The following SEPTIN7 variants were observed in gnomAD, a reference collection of about 807,000 sequenced individuals.
The protein encoded by SEPTIN7 is septin 7.
A neutral mutation model predicts 63.3 loss-of-function variants in SEPTIN7; 10 were observed. The observed-to-expected ratio is 0.16, with a 90% CI of 0.10 to 0.27. SEPTIN7 has a LOEUF of 0.27. Ranked by LOEUF, SEPTIN7 falls within the 10% of genes least tolerant of loss-of-function variation. The pLI is 1.00. For synonymous variants in SEPTIN7, 131 were observed against 165.3 expected (o/e 0.79, Z 1.59); for missense variants, 310 against 521.0 (o/e 0.59, Z 3.94).
At chr7:35,816,025 A>G (rs1037337113) in intron 1 of SEPTIN7, among the ~76,000 whole-genome samples, 1 of 152,212 alleles carries the variant, frequency 6.6e-6, no homozygotes, top group Non-Finnish European at 1.5e-5. Flanking sequence ...GAAAGGAGAT[A>G]TAACAATTTA....
At chr7:35,913,613 T>TTCCTTCTTTCC in the SEPTIN7 span, among the ~76,000 whole-genome samples, 1 of 151,182 alleles carries the variant, frequency 6.6e-6, no homozygotes, top group Non-Finnish European at 1.5e-5. Context: ...CTTTCCTTCC[T>TTCCTTCTTTCC]TTCTCTCAAC....
chr7:35,907,663 TTTCTGAAGCATGATC>T, downstream of SEPTIN7, among the ~76,000 whole-genome samples: 1 of 152,258 alleles, frequency 6.6e-6, no homozygotes, highest in Non-Finnish European at 1.5e-5. Context: ...CACTGCCACA[TTTCTGAAGCATGATC>T]TTCTACAGAG....
At chr7:35,855,169 TAC>T (rs1428589208) in intron 3 of SEPTIN7, among the ~76,000 whole-genome samples, 1 of 152,200 alleles carries the variant, frequency 6.6e-6, no homozygotes, top group African/African-American at 2.4e-5. Flanking sequence ...ATGCTATAAG[TAC>T]TATTCTGTGA....
In SEPTIN7 at chr7:35,802,277, A is replaced by G. The variant is rs144726866; in HGVS notation, c.61+1007A>G. 4.0e-4 allele frequency: 146 copies of G among 364,610 alleles called. 1 individual carries two copies. Among genetic ancestry groups the G allele is most frequent in the African/African-American group, 3.0e-3 (142 of 47,060 alleles). 22.6% of individuals were successfully genotyped at this position (364,610 alleles called of 1,614,324 possible). ...TTCCATTTCAGCTGTGTGTATAGTA[A>G]GAAATAAGCAACCGAGATTTTTCTA... On this transcript the variant is annotated intron_variant, in intron 1 of 13. Coordinates refer to ENST00000350320, the MANE Select transcript of SEPTIN7 (RefSeq NM_001788.6).
At chr7:35,872,078 T>C (rs1043429160) in intron 4 of SEPTIN7, among the ~76,000 whole-genome samples, 17 of 152,170 alleles carry the variant, frequency 1.1e-4, no homozygotes, top group African/African-American at 3.9e-4. Context: ...TTGTCCAGAA[T>C]GTGGAGTATC....
chr7:35,807,672 A>G (rs1160217774), intron 1 of SEPTIN7, among the ~76,000 whole-genome samples: 2 of 151,846 alleles, frequency 1.3e-5, no homozygotes, highest in African/African-American at 2.4e-5. Context: ...CAATTTTTGT[A>G]TTTTTAGTAG....
intron 11 of SEPTIN7, among the ~76,000 whole-genome samples, chr7:35,895,796 A>G (rs980159583): frequency 3.3e-5 from 5 of 152,112 alleles, no homozygotes; most frequent in Admixed American, 1.3e-4. Flanking sequence ...AAATACTTAA[A>G]TTTTGAATTT....
In SEPTIN7 at chr7:35,905,862, T is replaced by C. The variant is rs1788586160; in HGVS notation, c.*1569T>C. 1 of 152,206 alleles carries C rather than the reference T, an allele frequency of 6.6e-6. No homozygotes were observed. The allele number at this position is 152,206 out of a possible 1,614,324, so 9.4% of individuals were successfully genotyped here. A position where few individuals can be genotyped will look rare whatever the true frequency, so the allele number is the denominator to read the frequency against. On this transcript the variant is annotated 3_prime_UTR_variant, in exon 14 of 14. Transcript: ENST00000350320. ...TGTCATTTCTTTTCTTAAGGTCAAGTGACATAGATTTTAATGTAATGCATA... is the reference window on the plus strand; with the variant it reads ...TGTCATTTCTTTTCTTAAGGTCAAGCGACATAGATTTTAATGTAATGCATA...
intron 1 of SEPTIN7, among the ~76,000 whole-genome samples, chr7:35,830,782 A>G (rs532279118): frequency 9.9e-5 from 15 of 152,248 alleles, no homozygotes; most frequent in South Asian, 4.1e-4. Context: ...AGGATTATCT[A>G]TTTTATTTTC....
At chr7:35,806,854 G>A (rs372539679) in intron 1 of SEPTIN7, among the ~76,000 whole-genome samples, 1 of 152,114 alleles carries the variant, frequency 6.6e-6, no homozygotes, top group Non-Finnish European at 1.5e-5. Flanking sequence ...TAAAATGAAC[G>A]TCATGGTGTT....
chr7:35,810,615 G>A (rs1448135501), intron 1 of SEPTIN7, among the ~76,000 whole-genome samples: 4 of 152,054 alleles, frequency 2.6e-5, no homozygotes, highest in African/African-American at 7.2e-5. Context: ...GAGCCACCGC[G>A]CCCAGCCAGA....
chr7:35,814,961 C>T (rs1178028521), intron 1 of SEPTIN7, among the ~76,000 whole-genome samples: 2 of 115,110 alleles, frequency 1.7e-5, no homozygotes, highest in African/African-American at 3.6e-5. Context: ...GGCGACAGAG[C>T]GAGACTCCTT....
chr7:35,897,274 A>G (rs1191753131), intron 11 of SEPTIN7, among the ~76,000 whole-genome samples: 5 of 152,214 alleles, frequency 3.3e-5, no homozygotes, highest in Non-Finnish European at 7.4e-5. Flanking sequence ...AGAAGGACCT[A>G]TCTCTTTAGT....
chr7:35,804,847 T>G (rs941582604), intron 1 of SEPTIN7, among the ~76,000 whole-genome samples: 7 of 149,854 alleles, frequency 4.7e-5, no homozygotes, highest in African/African-American at 1.7e-4. Flanking sequence ...TTTTTTTTTT[T>G]TTTTTTGAGA....
chr7:35,812,132 A>C (rs1446071688), intron 1 of SEPTIN7: 3 of 195,760 alleles, frequency 1.5e-5, no homozygotes, highest in Non-Finnish European at 3.3e-5. Flanking sequence ...CCAAAACAAA[A>C]AAAAAAAAAA....
intron 9 of SEPTIN7, among the ~76,000 whole-genome samples, chr7:35,884,543 C>A (rs1220099432): frequency 1.3e-5 from 2 of 152,058 alleles, no homozygotes; most frequent in Non-Finnish European, 2.9e-5. Flanking sequence ...TACCTGGGGC[C>A]CAAAGTTTGC....
In SEPTIN7 at chr7:35,804,735, G is replaced by A. The variant is rs188691740; in HGVS notation, c.61+3465G>A. 2.0e-5 allele frequency among the ~76,000 whole-genome samples: 3 copies of A among 151,944 alleles called. No homozygotes were observed. In the East Asian group the frequency reaches 5.8e-4, roughly 29 times the overall value. On this transcript the variant is annotated intron_variant, in intron 1 of 13. Coordinates refer to ENST00000350320, the MANE Select transcript of SEPTIN7 (RefSeq NM_001788.6). ...GATGGTAGAGCCTACTATACACCTGGGCTATATCCTATTGCTTCTAGGCTA... is the reference window on the plus strand; with the variant it reads ...GATGGTAGAGCCTACTATACACCTGAGCTATATCCTATTGCTTCTAGGCTA...
rs1414220585 is a variant in SEPTIN7 at position 35,829,159 on chromosome 7, G to A, written c.62-2333G>A. ...TTTTTTTTTTTTTTTTTTTGGAGACGGAGTCTCGCTCTGTCATCCAGGCAG... is the reference window on the plus strand; with the variant it reads ...TTTTTTTTTTTTTTTTTTTGGAGACAGAGTCTCGCTCTGTCATCCAGGCAG... On this transcript the variant is annotated intron_variant, in intron 1 of 13. Coordinates refer to ENST00000350320, the MANE Select transcript of SEPTIN7 (RefSeq NM_001788.6). Among the ~76,000 whole-genome samples, 7 of 65,938 alleles carry A rather than the reference G, an allele frequency of 1.1e-4. No individual in the cohort carries two copies. In the East Asian group the frequency reaches 2.0e-3, roughly 19 times the overall value. 43.3% of individuals were successfully genotyped at this position (65,938 alleles called of 152,430 possible).
intron 1 of SEPTIN7, among the ~76,000 whole-genome samples, chr7:35,817,975 A>G (rs999810302): frequency 3.3e-5 from 5 of 151,822 alleles, no homozygotes; most frequent in Admixed American, 2.6e-4. Context: ...TACAATCTAG[A>G]TACATTTTAT....
Sources: allele counts gnomAD v4.1 joint callset (sites outside exome capture counted in the v4.1 genomes callset), GRCh38; gene constraint gnomAD v4.1.1; transcripts MANE v1.5; gene names NCBI Gene and HGNC (gene_info 2026-07-23, HGNC 2026-07-21).